The following CCNY variants were observed in gnomAD, a reference collection of about 807,000 sequenced individuals.
CCNY encodes the protein cyclin Y.
A neutral mutation model predicts 42.8 loss-of-function variants in CCNY; 19 were observed. That is an observed-to-expected ratio of 0.44 (90% CI 0.31 to 0.65). CCNY has a LOEUF of 0.65. Among genes scored for constraint, CCNY ranks in the 30% least tolerant of loss-of-function variants. The probability of loss-of-function intolerance (pLI) is 0.07; values close to 1 mark genes in which losing one functional copy is unlikely to be tolerated. For missense variants in CCNY, 370 were observed against 437.3 expected (o/e 0.85, Z 1.37); for synonymous variants, 165 against 162.7 (o/e 1.01, Z -0.11).
chr10:35,333,667 G>C (rs1033618713), upstream of CCNY, among the ~76,000 whole-genome samples: 8 of 152,174 alleles, frequency 5.3e-5, no homozygotes, highest in Non-Finnish European at 1.0e-4. Context: ...TTATAAAATG[G>C]GGTATAACTT....
chr10:35,369,258 A>T (rs1836877426), intron 1 of CCNY, among the ~76,000 whole-genome samples: 1 of 152,226 alleles, frequency 6.6e-6, no homozygotes, highest in African/African-American at 2.4e-5. Context: ...ACAGAGCAGG[A>T]TGGTGAGGCT....
intron 1 of CCNY, among the ~76,000 whole-genome samples, chr10:35,447,374 A>T (rs1838815758): frequency 6.6e-6 from 1 of 152,196 alleles, no homozygotes; most frequent in Non-Finnish European, 1.5e-5. Flanking sequence ...AAAAGACAGG[A>T]GGCTTTACTA....
At chr10:35,449,943 A>G (rs1415474730) in intron 1 of CCNY, 1 of 228,292 alleles carries the variant, frequency 4.4e-6, no homozygotes, top group Non-Finnish European at 7.3e-6. Flanking sequence ...ACCAGTCAGC[A>G]GGATTCTGCA....
chr10:35,298,518 T>C (rs892683277), intron 3 of CCNY, among the ~76,000 whole-genome samples: 3 of 152,166 alleles, frequency 2.0e-5, no homozygotes, highest in African/African-American at 4.8e-5. Flanking sequence ...TCCATTCTTT[T>C]CTTTTTTAAA....
At position 35,553,216 on chromosome 10, in the gene CCNY, CAG is replaced by C. The variant is rs1841296826; in HGVS notation, c.746+34_746+35del. ...TTGGGGGGCAGAGGGTGTTGGTCAT[CAG>C]AGTCTTGGCCAGACCATTTGGAAAG... On this transcript the variant is annotated intron_variant, in intron 8 of 9. Coordinates refer to ENST00000374704, the MANE Select transcript of CCNY (RefSeq NM_145012.6). 6 of 1,609,320 alleles carry C rather than the reference CAG, an allele frequency of 3.7e-6. No individual in the cohort carries two copies. The Admixed American group carries it at 5.0e-5, about 13-fold the overall frequency.
chr10:35,407,931 A>G (rs569950767), intron 1 of CCNY, among the ~76,000 whole-genome samples: 29 of 152,312 alleles, frequency 1.9e-4, no homozygotes, highest in Admixed American at 7.2e-4. Context: ...CGTCCTCGCA[A>G]TGATTAAACA....
chr10:35,320,968 T>A, intron 3 of CCNY: 2 of 149,954 alleles, frequency 1.3e-5, no homozygotes, highest in Non-Finnish European at 1.5e-5. Flanking sequence ...AAAAAAAAAA[T>A]TAGCTGGGTG....
At chr10:35,484,584 A>G (rs1402911583) in intron 2 of CCNY, among the ~76,000 whole-genome samples, 1 of 152,164 alleles carries the variant, frequency 6.6e-6, no homozygotes, top group African/African-American at 2.4e-5. Flanking sequence ...GCTGGATACA[A>G]AAGAAACATT....
At chr10:35,406,865 C>T (rs569178927) in intron 1 of CCNY, among the ~76,000 whole-genome samples, 2 of 151,798 alleles carry the variant, frequency 1.3e-5, no homozygotes, top group Non-Finnish European at 2.9e-5. Flanking sequence ...GGGGCTGACC[C>T]CCCCCCACCT....
At chr10:35,362,631 A>G (rs1165370452) in intron 1 of CCNY, among the ~76,000 whole-genome samples, 4 of 152,198 alleles carry the variant, frequency 2.6e-5, no homozygotes, top group Admixed American at 6.5e-5. Context: ...GTAAACTTTA[A>G]TGTCAAAAAT....
intron 1 of CCNY, among the ~76,000 whole-genome samples, chr10:35,344,441 C>T (rs566452753): frequency 1.1e-3 from 164 of 152,318 alleles, no homozygotes; most frequent in African/African-American, 3.9e-3. Flanking sequence ...CCTGTAATCC[C>T]AGCACTTTGG....
At chr10:35,492,944 C>T (rs1275467956) in intron 2 of CCNY, among the ~76,000 whole-genome samples, 1 of 152,114 alleles carries the variant, frequency 6.6e-6, no homozygotes, top group Non-Finnish European at 1.5e-5. Context: ...CCGTGCCACC[C>T]TCAGGCCAGC....
intron 3 of CCNY, among the ~76,000 whole-genome samples, chr10:35,261,151 CAGGTTGAGGAAGG>C (rs2095719238): frequency 6.6e-6 from 1 of 150,996 alleles, no homozygotes; most frequent in Non-Finnish European, 1.5e-5. Context: ...ATAGCTTTGG[CAGGTTGAGGAAGG>C]AGGATCGCTT....
At chr10:35,427,694 G>A (rs1056946063) in intron 1 of CCNY, among the ~76,000 whole-genome samples, 2 of 152,236 alleles carry the variant, frequency 1.3e-5, no homozygotes, top group African/African-American at 2.4e-5. Flanking sequence ...AATAAATAAC[G>A]TAGGTCACAA....
intron 1 of CCNY, among the ~76,000 whole-genome samples, chr10:35,367,529 C>G (rs915267815): frequency 6.6e-6 from 1 of 152,164 alleles, no homozygotes; most frequent in South Asian, 2.1e-4. Flanking sequence ...GGGTCTACAT[C>G]TCATGGATTT....
intron 3 of CCNY, among the ~76,000 whole-genome samples, chr10:35,306,113 C>T (rs1456768783): frequency 6.6e-6 from 1 of 152,192 alleles, no homozygotes; most frequent in Non-Finnish European, 1.5e-5. Context: ...CGGCTCACTG[C>T]AGCCTCTGCC....
chr10:35,434,215 A>G (rs748150806), intron 1 of CCNY: 9 of 152,234 alleles, frequency 5.9e-5, no homozygotes, highest in African/African-American at 9.6e-5. Flanking sequence ...TTTACCCACA[A>G]AGGCTGTAAG....
At chr10:35,358,170 A>G (rs866958982) in intron 1 of CCNY, among the ~76,000 whole-genome samples, 2 of 150,834 alleles carry the variant, frequency 1.3e-5, no homozygotes. Context: ...CCACCATAAC[A>G]TCTGTACTCA....
At chr10:35,490,477 G>A (rs1410832739) in intron 2 of CCNY, among the ~76,000 whole-genome samples, 1 of 152,226 alleles carries the variant, frequency 6.6e-6, no homozygotes, top group Non-Finnish European at 1.5e-5. Context: ...GCAGGGGAGT[G>A]CACACCTAGG....
Sources: gnomAD v4.1 joint callset for allele counts (sites outside exome capture counted in the v4.1 genomes callset) on GRCh38, gnomAD v4.1.1 for gene constraint, MANE v1.5 for transcripts, NCBI Gene and HGNC (gene_info 2026-07-23, HGNC 2026-07-21) for gene names.